Variants in MECOM observed in about 807,000 individuals in gnomAD.
MECOM encodes the protein MDS1 and EVI1 complex locus.
A neutral mutation model predicts 116.3 loss-of-function variants in MECOM; 13 were observed. The ratio of observed to expected loss-of-function variants is 0.11; its 90% CI spans 0.07 to 0.18. The LOEUF is 0.18. MECOM is among the 10% of genes least tolerant of loss of function. MECOM has a pLI of 1.00. For missense variants in MECOM, 1,299 were observed against 1,509.0 expected, an observed-to-expected ratio of 0.86 and a Z score of 2.31; for synonymous variants, 528 against 535.2, an observed-to-expected ratio of 0.99 and a Z score of 0.19.
At chr3:169,324,657 C>T (rs1721537937) in intron 2 of MECOM, among the ~76,000 whole-genome samples, 1 of 152,094 alleles carries the variant, frequency 6.6e-6, no homozygotes, top group South Asian at 2.1e-4. Flanking sequence ...ATTCTCCCTC[C>T]TCTGGTTCAC....
In MECOM at chr3:169,588,954, A is replaced by G. The variant is rs577147842; in HGVS notation, c.37+74382T>C. ...TGGAAATCTTTTAGGTAAATGAAATACATAGGGTTTTTTTCTTGTCTTCAA... is the reference window on the plus strand; with the variant it reads ...TGGAAATCTTTTAGGTAAATGAAATGCATAGGGTTTTTTTCTTGTCTTCAA... On this transcript the variant is annotated intron_variant, in intron 1 of 16. Coordinates refer to ENST00000651503, the MANE Select transcript of MECOM (RefSeq NM_004991.4). Among the ~76,000 whole-genome samples, 19 of 152,334 alleles carry G rather than the reference A, an allele frequency of 1.2e-4. No individual in the cohort carries two copies. In the East Asian group the frequency reaches 3.7e-3, roughly 29 times the overall value.
At chr3:169,259,083 G>A (rs1396330104) in intron 2 of MECOM, among the ~76,000 whole-genome samples, 2 of 152,124 alleles carry the variant, frequency 1.3e-5, no homozygotes, top group East Asian at 1.9e-4. Context: ...TAGAGCTGAT[G>A]CCATTTTTAA....
chr3:169,576,379 G>A (rs141912459), intron 1 of MECOM, among the ~76,000 whole-genome samples: 13 of 152,170 alleles, frequency 8.5e-5, no homozygotes, highest in African/African-American at 2.9e-4. Context: ...GACAGAAGAC[G>A]ATAAAAATCT....
At chr3:169,660,253 A>G (rs1038159415) in intron 1 of MECOM, among the ~76,000 whole-genome samples, 1 of 152,316 alleles carries the variant, frequency 6.6e-6, no homozygotes, top group African/African-American at 2.4e-5. Context: ...TTTCTTAAAG[A>G]TGGAAATAAA....
At chr3:169,487,215 C>T (rs954649326) in intron 1 of MECOM, among the ~76,000 whole-genome samples, 8 of 151,594 alleles carry the variant, frequency 5.3e-5, no homozygotes, top group South Asian at 4.2e-4. Flanking sequence ...ATATTGAACC[C>T]GGAAGGAAGG....
At chr3:169,109,776 A>G (rs1245303539) in intron 9 of MECOM, among the ~76,000 whole-genome samples, 1 of 152,228 alleles carries the variant, frequency 6.6e-6, no homozygotes. Flanking sequence ...GCAATAATAT[A>G]GCCTAATAAT....
At chr3:169,232,209 T>C (rs937255523) in intron 2 of MECOM, among the ~76,000 whole-genome samples, 3 of 152,148 alleles carry the variant, frequency 2.0e-5, no homozygotes, top group Non-Finnish European at 2.9e-5. Context: ...TTTGAGATAT[T>C]CTAAACTCTG....
chr3:169,104,079 G>A (rs1211918245), intron 10 of MECOM, among the ~76,000 whole-genome samples: 1 of 152,138 alleles, frequency 6.6e-6, no homozygotes, highest in African/African-American at 2.4e-5. Context: ...GGCAGTAAGG[G>A]CTATAAGCTC....
intron 2 of MECOM, among the ~76,000 whole-genome samples, chr3:169,204,071 G>A (rs1050289979): frequency 2.6e-4 from 39 of 152,070 alleles, no homozygotes; most frequent in African/African-American, 9.2e-4. Flanking sequence ...TTGTTCAAAG[G>A]CCAGTTCATG....
intron 1 of MECOM, among the ~76,000 whole-genome samples, chr3:169,438,265 A>T (rs545885632): frequency 1.1e-3 from 161 of 152,002 alleles, no homozygotes; most frequent in Non-Finnish European, 1.5e-3. Context: ...TTTTTTTTTT[A>T]AAGATTATTC....
chr3:169,618,580 C>T (rs1770303856), intron 1 of MECOM, among the ~76,000 whole-genome samples: 2 of 152,012 alleles, frequency 1.3e-5, no homozygotes, highest in Non-Finnish European at 2.9e-5. Flanking sequence ...TTGCTTGAAC[C>T]CAGGAGACGG....
At chr3:169,208,980 A>T (rs535430253) in intron 2 of MECOM, among the ~76,000 whole-genome samples, 2 of 152,210 alleles carry the variant, frequency 1.3e-5, no homozygotes, top group Admixed American at 6.5e-5. Flanking sequence ...ACAGCATGGT[A>T]CTGCTACCAA....
intron 1 of MECOM, among the ~76,000 whole-genome samples, chr3:169,641,581 A>C (rs1304625821): frequency 6.6e-6 from 1 of 152,242 alleles, no homozygotes; most frequent in Non-Finnish European, 1.5e-5. Flanking sequence ...TTCTATTCAA[A>C]GAAGCTAGAG....
Position 169,092,930 on chromosome 3 carries a change from G to GAGTTTA in MECOM, c.3164+22_3164+27dup, listed in dbSNP as rs147010550. The GAGTTTA allele has an allele frequency of 5.3e-3, 8,626 of 1,612,924 alleles. 391 individuals are homozygous for GAGTTTA. In the African/African-American group the frequency reaches 0.1, roughly 19 times the overall value. The stretch of plus-strand genomic sequence containing the variant: ...AAACATGTTCATTTCAGTCGTCACA[G>GAGTTTA]AGTTTAAAAAGTAAAAGACAGCTTT... On this transcript the variant is annotated intron_variant, in intron 14 of 16. Transcript: ENST00000651503.
intron 2 of MECOM, among the ~76,000 whole-genome samples, chr3:169,305,299 A>G (rs1401294506): frequency 1.3e-5 from 2 of 152,144 alleles, no homozygotes; most frequent in Non-Finnish European, 2.9e-5. Context: ...TAATCTCATG[A>G]TATAAGGAGG....
intron 1 of MECOM, among the ~76,000 whole-genome samples, chr3:169,628,625 A>G (rs142160114): frequency 6.6e-6 from 1 of 152,328 alleles, no homozygotes; most frequent in East Asian, 1.9e-4. Flanking sequence ...ACTCCAAAGC[A>G]TCTCAGGGGA....
intron 1 of MECOM, among the ~76,000 whole-genome samples, chr3:169,649,847 T>C (rs1288782340): frequency 2.0e-5 from 3 of 152,240 alleles, no homozygotes; most frequent in Non-Finnish European, 2.9e-5. Context: ...ATTCCTTGAA[T>C]GGTACCTTTT....
intron 2 of MECOM, among the ~76,000 whole-genome samples, chr3:169,219,439 G>A (rs896453325): frequency 6.6e-6 from 1 of 152,122 alleles, no homozygotes; most frequent in African/African-American, 2.4e-5. Context: ...CCTGGGAGGC[G>A]GAGCTTGCAG....
At chr3:169,161,477 C>CT (rs915418879) in intron 2 of MECOM, among the ~76,000 whole-genome samples, 4 of 151,794 alleles carry the variant, frequency 2.6e-5, no homozygotes, top group Admixed American at 1.3e-4. Context: ...AGACAAAAGA[C>CT]TTTTTTTTCC....
Sources: allele counts gnomAD v4.1 joint callset (sites outside exome capture counted in the v4.1 genomes callset), GRCh38; gene constraint gnomAD v4.1.1; transcripts MANE v1.5; gene names NCBI Gene and HGNC (gene_info 2026-07-23, HGNC 2026-07-21).